Variants in TNNI3K observed in about 807,000 individuals in gnomAD.
TNNI3K encodes the protein serine/threonine-protein kinase TNNI3K.
In TNNI3K, 140 loss-of-function variants were observed where a neutral mutation model predicts 114.5. That is an observed-to-expected ratio of 1.22 (90% CI 1.07 to 1.41). The LOEUF (loss-of-function observed/expected upper bound fraction) is 1.41, where lower values mean the gene tolerates loss of function less well. Ranked by LOEUF, TNNI3K falls within the 40% of genes most tolerant of loss-of-function variation. The pLI, the probability that TNNI3K is intolerant of heterozygous loss-of-function variation, is 0.00. For synonymous variants in TNNI3K, 347 were observed against 347.5 expected (o/e 1.00, Z 0.02); for missense variants, 1,125 against 1,007.6 (o/e 1.12, Z -1.58).
chr1:74,239,129 G>C (rs944132832), intron 2 of TNNI3K, among the ~76,000 whole-genome samples: 1 of 152,034 alleles, frequency 6.6e-6, no homozygotes, highest in Non-Finnish European at 1.5e-5. Context: ...CAACTGGTGT[G>C]GTCTAAAGAG....
chr1:74,480,765 G>C, intron 21 of TNNI3K: 1 of 717,526 alleles, frequency 1.4e-6, no homozygotes, highest in Non-Finnish European at 2.6e-6. Context: ...TGATCAGTGA[G>C]CGAAGAGCTG....
intron 9 of TNNI3K, among the ~76,000 whole-genome samples, chr1:74,352,215 G>A (rs1188109502): frequency 6.6e-6 from 1 of 152,292 alleles, no homozygotes; most frequent in Admixed American, 6.5e-5. Context: ...AGGTCTGTTG[G>A]AGTTTACTGG....
At chr1:74,235,992 A>G in intron 1 of TNNI3K, 110 bp from the exon 2 acceptor site, 1 of 660,946 alleles carries the variant, frequency 1.5e-6, no homozygotes, top group South Asian at 2.2e-5. Flanking sequence ...TAAATTAAGT[A>G]TTGTAGAATC....
chr1:74,544,016 C>G lies in TNNI3K; in HGVS notation c.*34C>G, dbSNP rs1231741782. ...GGCGTATACCTAAGGAGAGTTTTTT[C>G]CCCGAACTGACAGCAACGATTCCAA... On this transcript the variant is annotated 3_prime_UTR_variant, in exon 25 of 25. Transcript: ENST00000326637. 15 of 1,595,850 alleles carry G rather than the reference C, an allele frequency of 9.4e-6. No individual in the cohort carries two copies. Among genetic ancestry groups the G allele is most frequent in the Non-Finnish European group, 1.3e-5 (15 of 1,172,418 alleles).
chr1:74,356,088 G>T (rs542726715), intron 11 of TNNI3K, among the ~76,000 whole-genome samples: 1 of 152,012 alleles, frequency 6.6e-6, no homozygotes, highest in Admixed American at 6.6e-5. Context: ...TGGCATAGTC[G>T]TTTTGCCACT....
intron 5 of TNNI3K, among the ~76,000 whole-genome samples, chr1:74,287,687 C>CT (rs1657417235): frequency 6.6e-6 from 1 of 152,000 alleles, no homozygotes; most frequent in African/African-American, 2.4e-5. Flanking sequence ...GATTTCTTGG[C>CT]TATGACCTCA....
intron 17 of TNNI3K, among the ~76,000 whole-genome samples, chr1:74,376,203 A>G (rs1370212173): frequency 6.6e-6 from 1 of 152,038 alleles, no homozygotes; most frequent in Non-Finnish European, 1.5e-5. Context: ...ATAGAAAATT[A>G]TAATAGTTGC....
At chr1:74,455,064 G>A (rs940638196) in intron 20 of TNNI3K, among the ~76,000 whole-genome samples, 1 of 152,102 alleles carries the variant, frequency 6.6e-6, no homozygotes, top group African/African-American at 2.4e-5. Flanking sequence ...AAGAGGAATA[G>A]GTCGCTGACC....
At chr1:74,512,799 T>C (rs1670293683) in intron 23 of TNNI3K, among the ~76,000 whole-genome samples, 1 of 152,198 alleles carries the variant, frequency 6.6e-6, no homozygotes, top group Admixed American at 6.5e-5. Context: ...TCTTCACTGT[T>C]GGGAGCTTCA....
At chr1:74,262,922 A>T (rs1245570282) in intron 4 of TNNI3K, among the ~76,000 whole-genome samples, 1 of 152,108 alleles carries the variant, frequency 6.6e-6, no homozygotes, top group East Asian at 1.9e-4. Context: ...CCTAGTACTT[A>T]CTATGCTGTG....
At chr1:74,532,080 A>G (rs1646593939) in intron 23 of TNNI3K, among the ~76,000 whole-genome samples, 2 of 152,346 alleles carry the variant, frequency 1.3e-5, no homozygotes, top group South Asian at 4.1e-4. Flanking sequence ...TGCTCAACAT[A>G]GCCCAGGCTG....
chr1:74,404,249 A>G (rs1273476110), intron 17 of TNNI3K, among the ~76,000 whole-genome samples: 1 of 152,084 alleles, frequency 6.6e-6, no homozygotes, highest in Non-Finnish European at 1.5e-5. Flanking sequence ...CAAACCTATC[A>G]AGACCCACAA....
intron 23 of TNNI3K, among the ~76,000 whole-genome samples, chr1:74,517,927 G>A (rs1646372298): frequency 6.6e-6 from 1 of 152,132 alleles, no homozygotes; most frequent in Non-Finnish European, 1.5e-5. Flanking sequence ...GATGTCCCAG[G>A]CATCACACTT....
intron 23 of TNNI3K, among the ~76,000 whole-genome samples, chr1:74,516,285 G>T (rs1570729471): frequency 6.6e-6 from 1 of 152,266 alleles, no homozygotes; most frequent in East Asian, 1.9e-4. Context: ...TCACTCATCT[G>T]CTCAATCACT....
At chr1:74,244,602 C>T (rs761420177) in intron 2 of TNNI3K, among the ~76,000 whole-genome samples, 10 of 149,350 alleles carry the variant, frequency 6.7e-5, no homozygotes, top group East Asian at 5.9e-4. Flanking sequence ...GATATCAGGA[C>T]GAACACAGCA....
chr1:74,392,294 T>G (rs1663829139), intron 17 of TNNI3K, among the ~76,000 whole-genome samples: 1 of 152,202 alleles, frequency 6.6e-6, no homozygotes, highest in Non-Finnish European at 1.5e-5. Flanking sequence ...AAGTAGATGT[T>G]GCAAAATAGA....
intron 23 of TNNI3K, among the ~76,000 whole-genome samples, chr1:74,523,649 G>A (rs1034716530): frequency 6.6e-6 from 1 of 152,176 alleles, no homozygotes; most frequent in South Asian, 2.1e-4. Context: ...TGTATGCCAG[G>A]CCCTGAGAGT....
At chr1:74,442,173 G>C (rs1047020443) in intron 20 of TNNI3K, among the ~76,000 whole-genome samples, 4 of 150,796 alleles carry the variant, frequency 2.7e-5, no homozygotes, top group Non-Finnish European at 4.4e-5. Context: ...TTATTCCTTT[G>C]TTTTTTTTAA....
intron 17 of TNNI3K, among the ~76,000 whole-genome samples, chr1:74,412,828 G>A (rs1279674698): frequency 6.6e-6 from 1 of 152,086 alleles, no homozygotes; most frequent in Non-Finnish European, 1.5e-5. Flanking sequence ...TAGCCAGGCT[G>A]GCGTCGAACT....
Sources: allele counts gnomAD v4.1 joint callset (sites outside exome capture counted in the v4.1 genomes callset), GRCh38; gene constraint gnomAD v4.1.1; transcripts MANE v1.5; gene names NCBI Gene and HGNC (gene_info 2026-07-23, HGNC 2026-07-21).